Variants in PLXNA4 observed in about 807,000 individuals in gnomAD.
PLXNA4 encodes plexin-A4.
PLXNA4 carries 44 observed loss-of-function variants against 191.8 expected under a neutral mutation model. That is an observed-to-expected ratio of 0.23 (90% CI 0.18 to 0.29). PLXNA4 has a LOEUF of 0.29. Among genes scored for constraint, PLXNA4 ranks in the 10% least tolerant of loss-of-function variants. The probability of loss-of-function intolerance (pLI) is 1.00; values close to 1 mark genes in which losing one functional copy is unlikely to be tolerated. For synonymous variants in PLXNA4, 1,082 were observed against 1,009.5 expected, an observed-to-expected ratio of 1.07 and a Z score of -1.36; for missense variants, 1,800 against 2,488.8, an observed-to-expected ratio of 0.72 and a Z score of 5.89.
At chr7:132,431,389 C>T (rs901749264) in intron 3 of PLXNA4, among the ~76,000 whole-genome samples, 1 of 152,168 alleles carries the variant, frequency 6.6e-6, no homozygotes, top group Non-Finnish European at 1.5e-5. Context: ...CATACACCCT[C>T]CTCGTCACTC....
At chr7:132,420,525 T>G (rs1794812732) in intron 3 of PLXNA4, among the ~76,000 whole-genome samples, 1 of 152,214 alleles carries the variant, frequency 6.6e-6, no homozygotes, top group African/African-American at 2.4e-5. Flanking sequence ...CAGGTGCCTC[T>G]GCACAACAAA....
At chr7:132,263,376 C>CA (rs2116265381) in intron 4 of PLXNA4, among the ~76,000 whole-genome samples, 1 of 152,362 alleles carries the variant, frequency 6.6e-6, no homozygotes, top group East Asian at 1.9e-4. Flanking sequence ...TGCAAGCCAG[C>CA]AGCCCCGTGG....
At position 132,226,264 on chromosome 7, in the gene PLXNA4, C is replaced by A. The variant is rs199655996; in HGVS notation, c.1883-4G>T. 96 of 1,611,930 alleles carry A rather than the reference C, an allele frequency of 6.0e-5. No homozygotes were observed. The highest frequency in any genetic ancestry group is 1.0e-5 in the Non-Finnish European group (12 of 1,178,754). The stretch of plus-strand genomic sequence containing the variant: ...AGCTGTACGACATGGTGGTCCCCTA[C>A]AAGGAGAGATGGCTGAGGGGTCAGG... On this transcript the variant is annotated splice_region_variant and splice_polypyrimidine_tract_variant and intron_variant, in intron 7 of 31. Transcript: ENST00000321063.
At chr7:132,311,718 A>G (rs1801751444) in intron 3 of PLXNA4, among the ~76,000 whole-genome samples, 2 of 152,162 alleles carry the variant, frequency 1.3e-5, no homozygotes, top group South Asian at 4.1e-4. Flanking sequence ...TACTTTTTAA[A>G]AACAGCAGCT....
chr7:132,468,532 G>A (rs956536232), intron 3 of PLXNA4, among the ~76,000 whole-genome samples: 9 of 152,300 alleles, frequency 5.9e-5, no homozygotes, highest in African/African-American at 9.6e-5. Context: ...ACAGGCAGTC[G>A]AAGGGGCAGG....
chr7:132,172,040 G>A (rs961918852), intron 21 of PLXNA4, among the ~76,000 whole-genome samples: 7 of 152,080 alleles, frequency 4.6e-5, no homozygotes, highest in African/African-American at 1.7e-4. Context: ...GGTGTGGGAG[G>A]TAGGAATTTT....
rs569694215 is a variant in PLXNA4, at chr7:132,631,821, A to T, written c.-87+14107T>A. 1.6e-3 allele frequency among the ~76,000 whole-genome samples: 245 copies of T among 152,324 alleles called. 2 individuals are homozygous for T. The highest frequency in any genetic ancestry group is 2.4e-3 in the Non-Finnish European group (161 of 68,026). On this transcript the variant is annotated intron_variant, in intron 2 of 4. Coordinates refer to the PLXNA4 transcript ENST00000378539. Reference sequence around the variant, plus strand: ...TGCTTGGAAGTAGGGCTGATCTTACACTAAGGGACATAGTCAGATGTTCCA... The same window carrying T: ...TGCTTGGAAGTAGGGCTGATCTTACTCTAAGGGACATAGTCAGATGTTCCA...
At chr7:132,259,103 C>G (rs930845783) in intron 4 of PLXNA4, among the ~76,000 whole-genome samples, 10 of 152,104 alleles carry the variant, frequency 6.6e-5, no homozygotes, top group African/African-American at 9.7e-5. Flanking sequence ...AAAGAGGTCC[C>G]TCCTCCATCC....
At chr7:132,616,226 G>T (rs117811048) in intron 2 of PLXNA4, among the ~76,000 whole-genome samples, 12 of 152,082 alleles carry the variant, frequency 7.9e-5, no homozygotes, top group Non-Finnish European at 1.5e-4. Context: ...TTGCCTCTTC[G>T]CAGTGCTTCT....
chr7:132,516,085 T>C (rs1257937901), intron 1 of PLXNA4, among the ~76,000 whole-genome samples: 1 of 152,196 alleles, frequency 6.6e-6, no homozygotes, highest in Non-Finnish European at 1.5e-5. Context: ...CATGTACAGC[T>C]GAAGTACAAA....
At chr7:132,528,740 C>A (rs1344017836) in intron 1 of PLXNA4, among the ~76,000 whole-genome samples, 2 of 152,234 alleles carry the variant, frequency 1.3e-5, no homozygotes. Flanking sequence ...GATGTGCCTG[C>A]AATGGCTGAA....
chr7:132,456,287 A>G (rs1563109682), intron 3 of PLXNA4, among the ~76,000 whole-genome samples: 1 of 151,670 alleles, frequency 6.6e-6, no homozygotes, highest in African/African-American at 2.4e-5. Context: ...AATTTTTTAT[A>G]TTTTAGTAGA....
At chr7:132,393,565 G>C (rs769887399) in intron 3 of PLXNA4, among the ~76,000 whole-genome samples, 2 of 152,134 alleles carry the variant, frequency 1.3e-5, no homozygotes, top group Non-Finnish European at 2.9e-5. Context: ...ATTCATCTGA[G>C]AAATATTTAG....
intron 25 of PLXNA4, among the ~76,000 whole-genome samples, chr7:132,157,043 C>G (rs1031163008): frequency 6.6e-6 from 1 of 152,314 alleles, no homozygotes; most frequent in African/African-American, 2.4e-5. Flanking sequence ...TGCCCCAGGC[C>G]TCTCTTTGTT....
At chr7:132,268,449 T>A (rs543819221) in intron 4 of PLXNA4, among the ~76,000 whole-genome samples, 2 of 152,196 alleles carry the variant, frequency 1.3e-5, no homozygotes, top group Non-Finnish European at 2.9e-5. Context: ...TATTTTACCC[T>A]CATCCAGTTT....
chr7:132,161,436 GTT>G (rs1795945652), intron 24 of PLXNA4, among the ~76,000 whole-genome samples: 1 of 152,242 alleles, frequency 6.6e-6, no homozygotes, highest in East Asian at 1.9e-4. Context: ...TCCTTGGCTA[GTT>G]TGTGGACAAG....
At chr7:132,192,744 A>T (rs2116816083) in intron 14 of PLXNA4, among the ~76,000 whole-genome samples, 1 of 152,324 alleles carries the variant, frequency 6.6e-6, no homozygotes, top group African/African-American at 2.4e-5. Context: ...TTAGTTTTTA[A>T]AATGATGGGT....
intron 3 of PLXNA4, among the ~76,000 whole-genome samples, chr7:132,477,260 C>T (rs138606755): frequency 7.2e-5 from 11 of 152,334 alleles, no homozygotes; most frequent in African/African-American, 2.6e-4. Context: ...TACATACACA[C>T]CAGCCCCCTC....
chr7:132,583,308 C>G (rs540971289), intron 2 of PLXNA4, among the ~76,000 whole-genome samples: 4 of 152,308 alleles, frequency 2.6e-5, no homozygotes, highest in South Asian at 4.2e-4. Flanking sequence ...CCGTGCTACA[C>G]CACAGGGCAG....
Sources: allele counts gnomAD v4.1 joint callset (sites outside exome capture counted in the v4.1 genomes callset), GRCh38; gene constraint gnomAD v4.1.1; transcripts MANE v1.5; gene names NCBI Gene and HGNC (gene_info 2026-07-23, HGNC 2026-07-21).